GLYATL1: variants seen among roughly 807,000 people sequenced by gnomAD.
GLYATL1 encodes the protein glycine N-acyltransferase-like protein 1.
Under a neutral mutation model 20.0 loss-of-function variants are expected in GLYATL1, and 15 were observed. The observed-to-expected ratio is 0.75, with a 90% CI of 0.50 to 1.15. The LOEUF is 1.15. GLYATL1 is among the 50% of genes most tolerant of loss of function. GLYATL1 has a pLI of 0.00. For missense variants in GLYATL1, 380 were observed against 368.5 expected (o/e 1.03, Z -0.26); for synonymous variants, 151 against 131.5 (o/e 1.15, Z -1.01).
At chr11:58,905,685 C>A (rs78275034) in intron 1 of GLYATL1, 3 of 334,840 alleles carry the variant, frequency 9.0e-6, no homozygotes, top group African/African-American at 5.5e-5. Context: ...GGCTGTGGAC[C>A]GAGTGGTTCG....
chr11:58,913,699 A>G (rs1157756143), intron 1 of GLYATL1, among the ~76,000 whole-genome samples: 1 of 152,204 alleles, frequency 6.6e-6, no homozygotes, highest in African/African-American at 2.4e-5. Context: ...ATATGGGCAG[A>G]AGGGAAAAGA....
At chr11:58,952,655 TCATC>T (rs1463728210) in intron 4 of GLYATL1, among the ~76,000 whole-genome samples, 1 of 152,198 alleles carries the variant, frequency 6.6e-6, no homozygotes, top group African/African-American at 2.4e-5. Flanking sequence ...ACAGATTCCA[TCATC>T]CTGGTAGTGA....
rs546048420 is a variant in GLYATL1, at chr11:58,947,970, G to C, written c.186+5G>C. 7.5e-6 allele frequency: 12 copies of C among 1,603,194 alleles called. No individual in the cohort carries two copies. The South Asian group carries it at 1.2e-4, about 16-fold the overall frequency. On this transcript the variant is annotated splice_donor_5th_base_variant and intron_variant, in intron 4 of 6. Transcript: ENST00000532726. ...ATTATCCGGCCTCAAAAGCAGGTAG[G>C]CACACAGACAGGGACTGGTGGAGCC... is the stretch of plus-strand genomic sequence containing the variant.
chr11:58,913,296 G>A (rs191263375), downstream of GLYATL1, among the ~76,000 whole-genome samples: 1 of 152,150 alleles, frequency 6.6e-6, no homozygotes, highest in Non-Finnish European at 1.5e-5. Context: ...GAGCTGGAGG[G>A]GTAGAGAGGA....
intron 1 of GLYATL1, among the ~76,000 whole-genome samples, chr11:58,917,627 A>G (rs1162368792): frequency 1.3e-5 from 2 of 152,206 alleles, no homozygotes; most frequent in African/African-American, 4.8e-5. Context: ...AACTTTTGCT[A>G]TGGTGCCTAG....
chr11:58,943,526 A>T lies in GLYATL1; in HGVS notation c.-166-17A>T. ...ACTCCTTTAAGTTTAATTCAGCTGA[A>T]GTTTTTCTTTTATCAGATGGTGTCA... On this transcript the variant is annotated splice_polypyrimidine_tract_variant and intron_variant, in intron 1 of 6. Transcript: ENST00000532726. 3 of 1,597,462 alleles carry T rather than the reference A, an allele frequency of 1.9e-6. No individual in the cohort carries two copies. Among genetic ancestry groups the T allele is most frequent in the Non-Finnish European group, 1.7e-6 (2 of 1,171,912 alleles).
chr11:58,907,519 C>G (rs1056944409), exon 2 of GLYATL1: 1 of 384,578 alleles, frequency 2.6e-6, no homozygotes, highest in African/African-American at 2.1e-5. Context: ...AGGGGAAAAT[C>G]CAGTCCCTGT....
At chr11:58,908,519 A>G in exon 2 of GLYATL1, 1 of 213,434 alleles carries the variant, frequency 4.7e-6, no homozygotes, top group Non-Finnish European at 1.0e-5. Flanking sequence ...ACAGAGGATG[A>G]CCAGAGGGCT....
At chr11:58,908,421 A>AT (rs955077610) in exon 2 of GLYATL1, 38 of 163,344 alleles carry the variant, frequency 2.3e-4, no homozygotes, top group Non-Finnish European at 4.1e-4. Context: ...TTGGTTCTCC[A>AT]TTTTTTCCAC....
At chr11:58,909,881 T>C (rs188075071), downstream of GLYATL1, among the ~76,000 whole-genome samples, 9 of 152,348 alleles carry the variant, frequency 5.9e-5, no homozygotes, top group East Asian at 5.8e-4. Context: ...TTCAGTTTTA[T>C]ACAATTTCTT....
chr11:58,941,164 A>T (rs1415055154), intron 1 of GLYATL1, among the ~76,000 whole-genome samples: 1 of 147,120 alleles, frequency 6.8e-6, no homozygotes, highest in East Asian at 2.1e-4. Context: ...AGCATTAGGT[A>T]TATCTCCTAA....
At chr11:58,916,716 G>A (rs1271083846) in intron 1 of GLYATL1, among the ~76,000 whole-genome samples, 5 of 152,218 alleles carry the variant, frequency 3.3e-5, no homozygotes, top group Non-Finnish European at 7.3e-5. Context: ...CCAGTGGATG[G>A]TCTTGACTAC....
chr11:58,956,317 G>A lies in GLYATL1; in HGVS notation c.*290G>A, dbSNP rs1857416712. The stretch of plus-strand genomic sequence containing the variant: ...AAGCCAGGCTCAGTTCTTACCTCTG[G>A]GAATCAGAACTCTTTATGCAACTTG... On this transcript the variant is annotated 3_prime_UTR_variant, in exon 7 of 7. Coordinates refer to ENST00000532726, the MANE Select transcript of GLYATL1 (RefSeq NM_001389712.2). 3 of 366,132 alleles carry A rather than the reference G, an allele frequency of 8.2e-6. No homozygotes were observed. Among genetic ancestry groups the A allele is most frequent in the Non-Finnish European group, 1.5e-5 (3 of 203,286 alleles). The allele number at this position is 366,132 out of a possible 1,614,324, so 22.7% of individuals were successfully genotyped here.
At chr11:58,933,270 G>C (rs1245466451) in intron 1 of GLYATL1, among the ~76,000 whole-genome samples, 1 of 152,150 alleles carries the variant, frequency 6.6e-6, no homozygotes, top group Non-Finnish European at 1.5e-5. Context: ...AGATAGATTT[G>C]AGCAATAAAT....
At chr11:58,952,037 A>G (rs116714393) in intron 4 of GLYATL1, among the ~76,000 whole-genome samples, 845 of 59,174 alleles carry the variant, frequency 0.014, 11 homozygotes, top group African/African-American at 0.04. Flanking sequence ...CAACCTAAGG[A>G]AACAATTCCA....
intron 1 of GLYATL1, among the ~76,000 whole-genome samples, chr11:58,920,550 G>A (rs1855285108): frequency 6.6e-6 from 1 of 152,094 alleles, no homozygotes; most frequent in Admixed American, 6.6e-5. Context: ...CCGGGTCTCC[G>A]AGGGGCTGAT....
At chr11:58,926,810 A>G (rs1270402439), upstream of GLYATL1, among the ~76,000 whole-genome samples, 2 of 152,258 alleles carry the variant, frequency 1.3e-5, no homozygotes, top group Non-Finnish European at 2.9e-5. Flanking sequence ...ATATATTTTA[A>G]CCATGTGCTT....
intron 1 of GLYATL1, among the ~76,000 whole-genome samples, chr11:58,931,362 G>T (rs917545126): frequency 6.6e-6 from 1 of 152,112 alleles, no homozygotes; most frequent in African/African-American, 2.4e-5. Flanking sequence ...TGTATATCCC[G>T]ATAAGGTCAC....
rs560419492 is a variant in GLYATL1, at chr11:58,920,569, T to A, written n.264+14908T>A. Among the ~76,000 whole-genome samples, 21 of 152,190 alleles carry A rather than the reference T, an allele frequency of 1.4e-4. No homozygotes were observed. In the South Asian group the frequency reaches 2.5e-3, roughly 18 times the overall value. ...GTCTCCGAGGGGCTGATCTGTCAAA[T>A]CTCTCTGGCTTGAGAACACTTAATC... On this transcript the variant is annotated intron_variant and non_coding_transcript_variant, in intron 1 of 2. Coordinates refer to the GLYATL1 transcript ENST00000534674.
Sources: allele counts gnomAD v4.1 joint callset (sites outside exome capture counted in the v4.1 genomes callset), GRCh38; gene constraint gnomAD v4.1.1; transcripts MANE v1.5; gene names NCBI Gene and HGNC (gene_info 2026-07-23, HGNC 2026-07-21).